Variants in FUBP1 observed in about 807,000 individuals in gnomAD.
FUBP1 encodes the protein far upstream element binding protein 1, also known as far upstream element-binding protein 1.
FUBP1 carries 16 observed loss-of-function variants against 94.9 expected under a neutral mutation model. That is an observed-to-expected ratio of 0.17 (90% CI 0.11 to 0.26). The LOEUF is 0.26. FUBP1 is among the 10% of genes least tolerant of loss of function. The pLI is 1.00. For missense variants in FUBP1, 583 were observed against 808.6 expected, an observed-to-expected ratio of 0.72 and a Z score of 3.38; for synonymous variants, 279 against 254.9, an observed-to-expected ratio of 1.09 and a Z score of -0.90.
intron 18 of FUBP1, among the ~76,000 whole-genome samples, chr1:77,952,853 T>A (rs1016019715): frequency 6.6e-6 from 1 of 152,172 alleles, no homozygotes; most frequent in African/African-American, 2.4e-5. Flanking sequence ...GATATACACA[T>A]GTGGCCAGGC....
chr1:77,977,159 G>A (rs1431350993), intron 1 of FUBP1, among the ~76,000 whole-genome samples: 1 of 152,134 alleles, frequency 6.6e-6, no homozygotes, highest in Non-Finnish European at 1.5e-5. Context: ...TTTGGTCAAG[G>A]AACTATATCA....
intron 1 of FUBP1, among the ~76,000 whole-genome samples, chr1:77,975,267 C>T (rs1194674399): frequency 6.6e-6 from 1 of 152,078 alleles, no homozygotes; most frequent in African/African-American, 2.4e-5. Context: ...TTAGTAGTTC[C>T]CATACACCAG....
chr1:77,962,713 AATT>A, intron 14 of FUBP1, 54 bp downstream of exon 14: 1 of 1,104,520 alleles, frequency 9.1e-7, no homozygotes. Flanking sequence ...TAAACGTCTT[AATT>A]TAACTACAGT....
rs1042785762 is a variant in FUBP1 at position 77,971,990 on chromosome 1, A to G, written c.121-1975T>C. On this transcript the variant is annotated intron_variant, in intron 1 of 19. Transcript: ENST00000370768. The stretch of plus-strand genomic sequence containing the variant: ...ACTGCACTCCAGCCTGGGCAACGGC[A>G]TGAGACTCTGTCTCAAAAAAAAAAA... 8.6e-4 allele frequency among the ~76,000 whole-genome samples: 124 copies of G among 143,870 alleles called. 1 individual carries two copies. Among genetic ancestry groups the G allele is most frequent in the Non-Finnish European group, 1.5e-3 (100 of 66,814 alleles). The allele number at this position is 143,870 out of a possible 152,430, so 94.4% of individuals were successfully genotyped here.
intron 5 of FUBP1, 30 bp from the exon 6 acceptor site, chr1:77,966,985 G>C (rs558107235): frequency 6.6e-7 from 1 of 1,512,894 alleles, no homozygotes; most frequent in South Asian, 1.2e-5. Flanking sequence ...TTTTTTTTTT[G>C]GTTGAAAGAT....
upstream of FUBP1, chr1:77,979,367 G>A (rs912487381): frequency 4.2e-6 from 1 of 237,842 alleles, no homozygotes; most frequent in South Asian, 1.3e-4. Context: ...TTTGGGTGGT[G>A]GGAAGCCTGA....
In FUBP1 at chr1:77,974,190, C is replaced by T. The variant is rs926425951; in HGVS notation, c.121-4175G>A. On this transcript the variant is annotated intron_variant, in intron 1 of 19. Transcript: ENST00000370768. The stretch of plus-strand genomic sequence containing the variant: ...TCGCTCTGTTGCCCAGGCTGGCATG[C>T]AGTGGCGCGATCTCGGTTCACTGCA... Among the ~76,000 whole-genome samples the T allele has an allele frequency of 2.7e-5, 4 of 146,892 alleles. No homozygotes were observed. In the South Asian group the frequency reaches 8.6e-4, roughly 32 times the overall value.
At chr1:77,968,597 T>C (rs1656950750) in intron 2 of FUBP1, among the ~76,000 whole-genome samples, 1 of 149,868 alleles carries the variant, frequency 6.7e-6, no homozygotes, top group Non-Finnish European at 1.5e-5. Flanking sequence ...ACTACAAAAA[T>C]CTGACATATT....
At chr1:77,968,962 A>AAAG in intron 2 of FUBP1, 1 of 536,738 alleles carries the variant, frequency 1.9e-6, no homozygotes, top group Non-Finnish European at 3.3e-6. Flanking sequence ...TCCATTTAAG[A>AAAG]ATCCACTGGT....
chr1:77,954,787 G>A (rs1319845487), intron 18 of FUBP1, among the ~76,000 whole-genome samples: 5 of 152,116 alleles, frequency 3.3e-5, no homozygotes, highest in Non-Finnish European at 7.3e-5. Flanking sequence ...GTTCCAAATG[G>A]TTCCTAAAGA....
chr1:77,952,190 G>A (rs764130078), intron 18 of FUBP1, among the ~76,000 whole-genome samples: 2 of 151,902 alleles, frequency 1.3e-5, no homozygotes, highest in African/African-American at 2.4e-5. Context: ...AGTGAGCCGA[G>A]ATCATGCCAC....
intron 7 of FUBP1, among the ~76,000 whole-genome samples, chr1:77,966,407 A>G (rs72685362): frequency 0.027 from 4,131 of 152,294 alleles, 100 homozygotes; most frequent in South Asian, 0.11. Context: ...TTTAAGTGTC[A>G]CCAGTCGACC....
At chr1:77,977,616 T>A (rs966504919) in intron 1 of FUBP1, among the ~76,000 whole-genome samples, 4 of 152,158 alleles carry the variant, frequency 2.6e-5, no homozygotes, top group African/African-American at 9.7e-5. Flanking sequence ...AAATAGTTGG[T>A]TCCAGTAAAT....
rs1651876741 is a variant in FUBP1, at chr1:77,945,104, A to G, written c.*3662T>C. Among the ~76,000 whole-genome samples the G allele has an allele frequency of 6.6e-6, 1 of 151,986 alleles. No homozygotes were observed. The highest frequency in any genetic ancestry group is 1.5e-5 in the Non-Finnish European group (1 of 67,876). On this transcript the variant is annotated 3_prime_UTR_variant, in exon 20 of 20. Coordinates refer to ENST00000370768, the MANE Select transcript of FUBP1 (RefSeq NM_003902.5). The stretch of plus-strand genomic sequence containing the variant: ...CAGACTTAAGATCAGCGTCATTTAA[A>G]ATAATGCTTATAGTATCAGTGAAGG...
chr1:77,955,367 G>T, intron 17 of FUBP1, 38 bp from the exon 18 acceptor site: 1 of 1,325,704 alleles, frequency 7.5e-7, no homozygotes, highest in Non-Finnish European at 1.1e-6. Flanking sequence ...CAGAATTAAA[G>T]TTTTTAAAAG....
In FUBP1 at chr1:77,973,718, T is replaced by TG. The variant is rs1355642716; in HGVS notation, c.121-3704_121-3703insC. Among the ~76,000 whole-genome samples the TG allele has an allele frequency of 3.4e-5, 5 of 147,730 alleles. No individual in the cohort carries two copies. The Admixed American group carries it at 3.4e-4, about 10-fold the overall frequency. ...AGAATTTGGGAGTTGAAAAGAAACT[T>TG]AAAAGACACAGTAGTCTCTTTATCT... is the stretch of plus-strand genomic sequence containing the variant. On this transcript the variant is annotated intron_variant, in intron 1 of 19. Coordinates refer to ENST00000370768, the MANE Select transcript of FUBP1 (RefSeq NM_003902.5).
chr1:77,969,919 A>C lies in FUBP1; in HGVS notation c.211+6T>G, dbSNP rs1460270287. ...AACAATTTAAAATACTTAGAGTATAACTTACCTCCATCTTCTAAAGGTCTT... is the reference window on the plus strand; with the variant it reads ...AACAATTTAAAATACTTAGAGTATACCTTACCTCCATCTTCTAAAGGTCTT... On this transcript the variant is annotated splice_donor_region_variant and intron_variant, in intron 2 of 19. Transcript: ENST00000370768. 1.5e-6 allele frequency: 2 copies of C among 1,327,078 alleles called. No homozygotes were observed. Among genetic ancestry groups the C allele is most frequent in the African/African-American group, 1.5e-5 (1 of 68,650 alleles). 82.2% of individuals were successfully genotyped at this position (1,327,078 alleles called of 1,614,324 possible). A position where few individuals can be genotyped will look rare whatever the true frequency, so the allele number is the denominator to read the frequency against.
intron 17 of FUBP1, among the ~76,000 whole-genome samples, chr1:77,955,673 G>A (rs1244117369): frequency 1.3e-5 from 2 of 152,320 alleles, no homozygotes; most frequent in Admixed American, 6.5e-5. Context: ...ATGCTGAAAC[G>A]GATGTGGTGA....
chr1:77,965,072 A>C lies in FUBP1; in HGVS notation c.633T>G (p.Leu211=), dbSNP rs1656232431. 2.5e-6 allele frequency: 4 copies of C among 1,611,166 alleles called. No individual in the cohort carries two copies. The highest frequency in any genetic ancestry group is 1.1e-5 in the South Asian group (1 of 90,892). The change falls in exon 8 of 20, where the codon CTT becomes CTG. Residue 211 remains leucine, a synonymous_variant. Transcript: ENST00000370768. ...CATTTCACAAAAATAACAATACCTG[A>C]AGCTGTTTAATAGTTTCTCCCCCTT... ...IGKGGETIKQ[L]QERAGVKMVM...
Sources: allele counts gnomAD v4.1 joint callset (sites outside exome capture counted in the v4.1 genomes callset), GRCh38; gene constraint gnomAD v4.1.1; transcripts MANE v1.5; gene names NCBI Gene and HGNC (gene_info 2026-07-23, HGNC 2026-07-21).